TRIO: variants seen among roughly 807,000 people sequenced by gnomAD.
The protein encoded by TRIO is trio Rho guanine nucleotide exchange factor, also known as triple functional domain protein.
TRIO carries 58 observed loss-of-function variants against 351.9 expected under a neutral mutation model. The ratio of observed to expected loss-of-function variants is 0.16; its 90% CI spans 0.13 to 0.21. The LOEUF is 0.21. Among genes scored for constraint, TRIO ranks in the 10% least tolerant of loss-of-function variants. TRIO has a pLI of 1.00. For synonymous variants in TRIO, 1,758 were observed against 1,595.7 expected (o/e 1.10, Z -2.42); for missense variants, 3,201 against 4,027.8 (o/e 0.79, Z 5.56).
rs562079557 is a variant in TRIO, at chr5:14,365,405, A to T, written c.2754+589A>T. On this transcript the variant is annotated intron_variant, in intron 15 of 56. Transcript: ENST00000344204. ...GATGCAGAGAAAGCAAACAGAAAGT[A>T]AGTTTGGTTGGAGGGGACTTAAGAT... Among the ~76,000 whole-genome samples the T allele has an allele frequency of 5.3e-5, 8 of 152,296 alleles. No individual in the cohort carries two copies. In the South Asian group the frequency reaches 1.0e-3, roughly 20 times the overall value.
Position 14,510,154 on chromosome 5 carries a change from A to G in TRIO, c.*1732A>G, listed in dbSNP as rs1757995056. On this transcript the variant is annotated 3_prime_UTR_variant, in exon 57 of 57. Coordinates refer to ENST00000344204, the MANE Select transcript of TRIO (RefSeq NM_007118.4). ...GTTTACACAGTATGATGTGATGTAA[A>G]TATTTTATTTTGCCATCAGTTATTT... 6.6e-6 allele frequency: 1 copy of G among 152,192 alleles called. No homozygotes were observed. Among genetic ancestry groups the G allele is most frequent in the African/African-American group, 2.4e-5 (1 of 41,454 alleles). The allele number at this position is 152,192 out of a possible 1,614,324, so 9.4% of individuals were successfully genotyped here.
intron 11 of TRIO, among the ~76,000 whole-genome samples, chr5:14,347,087 G>A (rs925903737): frequency 2.1e-5 from 3 of 143,650 alleles, no homozygotes; most frequent in Non-Finnish European, 3.0e-5. Flanking sequence ...CATCTCAGGC[G>A]GACCTGAGGT....
At chr5:14,480,196 A>T (rs1297486549) in intron 43 of TRIO, among the ~76,000 whole-genome samples, 185 bp downstream of exon 43, 1 of 152,016 alleles carries the variant, frequency 6.6e-6, no homozygotes, top group Non-Finnish European at 1.5e-5. Flanking sequence ...GGCGGGACAG[A>T]CTCTGGTGTC....
intron 34 of TRIO, among the ~76,000 whole-genome samples, chr5:14,450,734 G>A (rs1353879546): frequency 6.6e-6 from 1 of 152,118 alleles, no homozygotes; most frequent in Non-Finnish European, 1.5e-5. Context: ...GTGCTTCTCT[G>A]GCTGTTGTAA....
At chr5:14,200,069 G>T (rs1791010924) in intron 1 of TRIO, among the ~76,000 whole-genome samples, 1 of 152,170 alleles carries the variant, frequency 6.6e-6, no homozygotes, top group Admixed American at 6.5e-5. Flanking sequence ...CTAGACAGTG[G>T]TTCATACTTG....
intron 41 of TRIO, among the ~76,000 whole-genome samples, chr5:14,478,202 A>G (rs1579772199): frequency 6.6e-6 from 1 of 152,246 alleles, no homozygotes. Flanking sequence ...TGTCACAAGA[A>G]TGTTAAAAAC....
rs554734076 is a variant in TRIO, at chr5:14,171,255, CAA to C, written c.157+27376_157+27377del. Among the ~76,000 whole-genome samples, 114 of 152,222 alleles carry C rather than the reference CAA, an allele frequency of 7.5e-4. 1 individual carries two copies. Among genetic ancestry groups the C allele is most frequent in the African/African-American group, 2.6e-3 (110 of 41,548 alleles). On this transcript the variant is annotated intron_variant, in intron 1 of 56. Transcript: ENST00000344204. ...AGTTATTACATTGTTATAGAAGAAA[CAA>C]AATATTTTATAATAGTTTGCCAAAA...
chr5:14,320,093 A>T (rs1431523611), intron 9 of TRIO, among the ~76,000 whole-genome samples: 1 of 128,352 alleles, frequency 7.8e-6, no homozygotes, highest in African/African-American at 3.0e-5. Flanking sequence ...GAAAATGGAA[A>T]TTTTTTATCA....
chr5:14,325,650 C>T (rs1372253833), intron 9 of TRIO, among the ~76,000 whole-genome samples: 3 of 152,060 alleles, frequency 2.0e-5, no homozygotes, highest in Non-Finnish European at 4.4e-5. Flanking sequence ...AAACAAACCA[C>T]AGCAGAGAGA....
rs770215880 is a variant in TRIO, at chr5:14,336,693, A to G, written c.2012A>G (p.Asp671Gly). 2 of 1,614,222 alleles carry G rather than the reference A, an allele frequency of 1.2e-6. No homozygotes were observed. The highest frequency in any genetic ancestry group is 2.2e-5 in the South Asian group (2 of 91,080). ...GTTGAGCAGCGAAAGATCCTACTGG[A>G]CATGTCAGTGTCCTTTCACACCCAT... ...RRVEQRKILLDMSVSFHTHVK... is the reference protein window; with the variant it reads ...RRVEQRKILLGMSVSFHTHVK... Residue 671 changes from aspartate to glycine, a missense_variant, in exon 11 of 57, where the codon GAC becomes GGC. Physicochemically the swap from Asp to Gly is moderately conservative, Grantham distance 94. Transcript: ENST00000344204.
intron 11 of TRIO, among the ~76,000 whole-genome samples, chr5:14,348,958 G>A (rs1263373971): frequency 2.0e-5 from 3 of 151,204 alleles, no homozygotes; most frequent in African/African-American, 4.9e-5. Context: ...ACACACGTGA[G>A]CATGTGTGTT....
intron 34 of TRIO, among the ~76,000 whole-genome samples, chr5:14,439,759 T>C (rs570921044): frequency 6.6e-6 from 1 of 152,316 alleles, no homozygotes; most frequent in South Asian, 2.1e-4. Flanking sequence ...AAAAACAACC[T>C]TACGCTTTGC....
At chr5:14,384,187 G>C (rs2152357436) in intron 21 of TRIO, among the ~76,000 whole-genome samples, 1 of 152,296 alleles carries the variant, frequency 6.6e-6, no homozygotes, top group Non-Finnish European at 1.5e-5. Context: ...CTCACCACTT[G>C]ATTTTTGCAC....
In TRIO at chr5:14,204,833, A is replaced by C. The variant is rs138408239; in HGVS notation, c.157+60951A>C. Among the ~76,000 whole-genome samples, 54 of 152,304 alleles carry C rather than the reference A, an allele frequency of 3.5e-4. No individual in the cohort carries two copies. The East Asian group carries it at 8.7e-3, about 24-fold the overall frequency. On this transcript the variant is annotated intron_variant, in intron 1 of 56. Transcript: ENST00000344204. ...TTCCTCACTGTAAAATGCAGATAAC[A>C]GTAGTACTCATTCACTGGGCTGTTC...
intron 11 of TRIO, among the ~76,000 whole-genome samples, chr5:14,357,637 G>A (rs1296166002): frequency 1.3e-5 from 2 of 152,046 alleles, no homozygotes; most frequent in African/African-American, 2.4e-5. Context: ...GGCTCGTGCC[G>A]TCACCTCCCT....
intron 1 of TRIO, among the ~76,000 whole-genome samples, chr5:14,165,980 T>C (rs542227578): frequency 6.6e-6 from 1 of 152,376 alleles, no homozygotes; most frequent in African/African-American, 2.4e-5. Context: ...TAGCTCCTCT[T>C]TTTCTCATTT....
At chr5:14,180,713 C>G (rs1789715859) in intron 1 of TRIO, among the ~76,000 whole-genome samples, 1 of 152,062 alleles carries the variant, frequency 6.6e-6, no homozygotes, top group African/African-American at 2.4e-5. Context: ...AGTTGCAGTC[C>G]TAGCTACTCA....
intron 27 of TRIO, among the ~76,000 whole-genome samples, chr5:14,393,209 C>T (rs1036330747): frequency 8.1e-5 from 12 of 148,678 alleles, no homozygotes; most frequent in South Asian, 2.1e-4. Context: ...ACACATTACA[C>T]AGGGAGGGGA....
At chr5:14,209,947 C>T (rs1469241308) in intron 1 of TRIO, among the ~76,000 whole-genome samples, 1 of 152,128 alleles carries the variant, frequency 6.6e-6, no homozygotes, top group Non-Finnish European at 1.5e-5. Context: ...GTTGGCTGCT[C>T]CCCCTCTCCC....
Sources: gnomAD v4.1 joint callset for allele counts (sites outside exome capture counted in the v4.1 genomes callset) on GRCh38, gnomAD v4.1.1 for gene constraint, MANE v1.5 for transcripts, NCBI Gene and HGNC (gene_info 2026-07-23, HGNC 2026-07-21) for gene names.